Variants in ROR1 observed in about 807,000 individuals in gnomAD.
ROR1 encodes inactive tyrosine-protein kinase transmembrane receptor ROR1.
Under a neutral mutation model 78.8 loss-of-function variants are expected in ROR1, and 19 were observed. That is an observed-to-expected ratio of 0.24 (90% confidence interval 0.17 to 0.35). The LOEUF is 0.35. Among genes scored for constraint, ROR1 ranks in the 10% least tolerant of loss-of-function variants. The pLI, the probability that ROR1 is intolerant of heterozygous loss-of-function variation, is 1.00. For synonymous variants in ROR1, 386 were observed against 433.6 expected (o/e 0.89, Z 1.36); for missense variants, 917 against 1,177.8 (o/e 0.78, Z 3.24).
chr1:64,158,636 G>T (rs949800602), intron 7 of ROR1, among the ~76,000 whole-genome samples: 3 of 152,190 alleles, frequency 2.0e-5, no homozygotes, highest in Admixed American at 6.5e-5. Context: ...GCTCTTGGAT[G>T]TATACAGTCC....
chr1:64,163,950 T>C (rs1650015868), intron 8 of ROR1, among the ~76,000 whole-genome samples: 1 of 152,226 alleles, frequency 6.6e-6, no homozygotes, highest in African/African-American at 2.4e-5. Context: ...GCACCAGTGA[T>C]GTTATTTAAT....
intron 4 of ROR1, among the ~76,000 whole-genome samples, chr1:64,127,985 G>T (rs1648773781): frequency 6.6e-6 from 1 of 152,108 alleles, no homozygotes; most frequent in Non-Finnish European, 1.5e-5. Context: ...AGAGTGGAAG[G>T]TTGGAGGCAG....
intron 8 of ROR1, chr1:64,171,229 G>A (rs58161194): frequency 0.27 from 45,794 of 171,200 alleles, 6,370 homozygotes; most frequent in Admixed American, 0.33. Flanking sequence ...GGCTGGGAGC[G>A]CCTCACAATC....
intron 1 of ROR1, among the ~76,000 whole-genome samples, chr1:63,853,339 G>A (rs1179953912): frequency 6.6e-6 from 1 of 152,170 alleles, no homozygotes; most frequent in Non-Finnish European, 1.5e-5. Flanking sequence ...AAAAAACTGA[G>A]AGGTTAAGTA....
rs1353405621 is a variant in ROR1, at chr1:63,834,645, C to A, written c.91+60137C>A. On this transcript the variant is annotated intron_variant, in intron 1 of 8. Coordinates refer to ENST00000371079, the MANE Select transcript of ROR1 (RefSeq NM_005012.4). ...ATTTTTCCAAAACCAAGAGTTATTA[C>A]ATTTCTTCCTCTGAGACAAAGTATT... Among the ~76,000 whole-genome samples the A allele has an allele frequency of 7.2e-5, 11 of 152,308 alleles. 1 individual carries two copies. In the South Asian group the frequency reaches 1.9e-3, roughly 26 times the overall value.
At chr1:63,923,757 G>A (rs1246454220) in intron 1 of ROR1, among the ~76,000 whole-genome samples, 3 of 151,542 alleles carry the variant, frequency 2.0e-5, no homozygotes, top group African/African-American at 7.3e-5. Flanking sequence ...GTTTCCAATT[G>A]CACTTTGAAT....
At chr1:64,035,808 G>T (rs1220412625) in intron 2 of ROR1, among the ~76,000 whole-genome samples, 1 of 152,100 alleles carries the variant, frequency 6.6e-6, no homozygotes, top group Non-Finnish European at 1.5e-5. Context: ...CTTGGTTCTC[G>T]TTCCTCCCGA....
intron 1 of ROR1, among the ~76,000 whole-genome samples, chr1:63,832,199 G>A (rs1020820518): frequency 4.6e-5 from 7 of 152,064 alleles, no homozygotes; most frequent in Admixed American, 6.6e-5. Flanking sequence ...ACATCTTCCT[G>A]TCTTCTTCTG....
At chr1:64,128,153 C>G (rs991695643) in intron 4 of ROR1, among the ~76,000 whole-genome samples, 1 of 151,872 alleles carries the variant, frequency 6.6e-6, no homozygotes, top group Non-Finnish European at 1.5e-5. Flanking sequence ...TTCCATTTAG[C>G]AAAACTAAAT....
intron 1 of ROR1, among the ~76,000 whole-genome samples, chr1:63,888,490 G>A (rs1645372554): frequency 6.6e-6 from 1 of 152,146 alleles, no homozygotes; most frequent in South Asian, 2.1e-4. Flanking sequence ...TGGGCATGGT[G>A]CATGTGCCTG....
chr1:63,820,697 G>A (rs977251898), intron 1 of ROR1, among the ~76,000 whole-genome samples: 19 of 152,176 alleles, frequency 1.2e-4, no homozygotes, highest in African/African-American at 3.4e-4. Flanking sequence ...CAAAGGTCAG[G>A]TAAGGTTCTG....
chr1:63,942,273 C>A (rs1471523641), intron 1 of ROR1, among the ~76,000 whole-genome samples: 1 of 152,170 alleles, frequency 6.6e-6, no homozygotes, highest in African/African-American at 2.4e-5. Context: ...AAAAACAATC[C>A]TGGCAGAGAA....
intron 2 of ROR1, among the ~76,000 whole-genome samples, chr1:64,028,643 G>A (rs573931422): frequency 6.2e-4 from 94 of 151,926 alleles, no homozygotes; most frequent in Middle Eastern, 6.8e-3. Flanking sequence ...ATTCTAAGAG[G>A]ACTTAAAAAA....
chr1:64,177,477 T>C lies in ROR1; in HGVS notation c.1436T>C (p.Leu479Ser). The change falls in exon 9 of 9, where the codon TTG becomes TCG. Residue 479 changes from leucine (L) to serine (S), a missense_variant. Transcript: ENST00000371079. ...PLSAVRFMEE[L>S]GECAFGKIYK... Reference sequence around the variant, plus strand: ...TCTGCTGTACGCTTTATGGAAGAATTGGGTGAGTGTGCCTTTGGAAAAATC... The same window carrying C: ...TCTGCTGTACGCTTTATGGAAGAATCGGGTGAGTGTGCCTTTGGAAAAATC... 6.2e-7 allele frequency: 1 copy of C among 1,614,200 alleles called. No individual in the cohort carries two copies. Among genetic ancestry groups the C allele is most frequent in the Non-Finnish European group, 8.5e-7 (1 of 1,180,034 alleles).
chr1:63,851,137 G>A (rs12061143), intron 1 of ROR1, among the ~76,000 whole-genome samples: 31,158 of 151,960 alleles, frequency 0.21, 3,405 homozygotes, highest in Middle Eastern at 0.26. Flanking sequence ...GTGCCACCAC[G>A]CCCAGCTATT....
chr1:63,855,463 C>A (rs1005029427), intron 1 of ROR1, among the ~76,000 whole-genome samples: 1 of 152,150 alleles, frequency 6.6e-6, no homozygotes, highest in Non-Finnish European at 1.5e-5. Context: ...AGTTGTTCCT[C>A]AACTCACTGA....
At chr1:64,056,445 C>T (rs545038157) in intron 4 of ROR1, among the ~76,000 whole-genome samples, 5 of 151,966 alleles carry the variant, frequency 3.3e-5, no homozygotes, top group African/African-American at 9.6e-5. Context: ...GAGGCCAAGG[C>T]GGGTGGATCA....
rs544330019 is a variant in ROR1 at position 63,873,091 on chromosome 1, C to T, written c.91+98583C>T. 1.7e-4 allele frequency among the ~76,000 whole-genome samples: 26 copies of T among 152,126 alleles called. 1 individual carries two copies. The highest frequency in any genetic ancestry group is 3.2e-4 in the Non-Finnish European group (22 of 67,994). The stretch of plus-strand genomic sequence containing the variant: ...TCTTTTTTCTCTTCTCTCTCCTCCC[C>T]CCAAATCGAGGTTGTAAGTGATGTG... On this transcript the variant is annotated intron_variant, in intron 1 of 8. Coordinates refer to ENST00000371079, the MANE Select transcript of ROR1 (RefSeq NM_005012.4).
At position 64,063,602 on chromosome 1, in the gene ROR1, G is replaced by A. The variant is rs374592848; in HGVS notation, c.482+12886G>A. Among the ~76,000 whole-genome samples, 12 of 151,228 alleles carry A rather than the reference G, an allele frequency of 7.9e-5. 1 individual carries two copies. Among genetic ancestry groups the A allele is most frequent in the African/African-American group, 1.5e-4 (6 of 40,768 alleles). ...TTTTAAAAATTAAAGATCATCTGTT[G>A]CTGTCCTCTCTATGTCTCTTTCTCT... is the stretch of plus-strand genomic sequence containing the variant. On this transcript the variant is annotated intron_variant, in intron 4 of 8. Coordinates refer to ENST00000371079, the MANE Select transcript of ROR1 (RefSeq NM_005012.4).
Sources: allele counts gnomAD v4.1 joint callset (sites outside exome capture counted in the v4.1 genomes callset), GRCh38; gene constraint gnomAD v4.1.1; transcripts MANE v1.5; gene names NCBI Gene and HGNC (gene_info 2026-07-23, HGNC 2026-07-21).